The following PTPRA variants were observed in gnomAD, a reference collection of about 807,000 sequenced individuals.
PTPRA encodes protein tyrosine phosphatase receptor type A, also known as receptor-type tyrosine-protein phosphatase alpha.
Under a neutral mutation model 104.8 loss-of-function variants are expected in PTPRA, and 25 were observed. The ratio of observed to expected loss-of-function variants is 0.24; its 90% CI spans 0.17 to 0.33. The LOEUF is 0.33. PTPRA is among the 10% of genes least tolerant of loss of function. PTPRA has a pLI of 1.00. For missense variants in PTPRA, 765 were observed against 1,015.3 expected (o/e 0.75, Z 3.35); for synonymous variants, 323 against 368.9 (o/e 0.88, Z 1.43).
intron 3 of PTPRA, among the ~76,000 whole-genome samples, chr20:2,953,420 A>AT (rs1223180837): frequency 6.6e-6 from 1 of 150,758 alleles, no homozygotes; most frequent in African/African-American, 2.4e-5. Flanking sequence ...CGCCTGGCTA[A>AT]TTTTTTGTAT....
upstream of PTPRA, among the ~76,000 whole-genome samples, chr20:2,871,346 G>A (rs939202190): frequency 6.6e-6 from 1 of 152,056 alleles, no homozygotes; most frequent in Non-Finnish European, 1.5e-5. Flanking sequence ...TGGAAACCCC[G>A]GGCTCTTTGA....
At position 2,923,195 on chromosome 20, in the gene PTPRA, C is replaced by T; in HGVS notation, c.-128-12C>T. On this transcript the variant is annotated splice_polypyrimidine_tract_variant and intron_variant, in intron 1 of 23. Coordinates refer to ENST00000399903, the MANE Select transcript of PTPRA (RefSeq NM_001385305.1). ...TTGTATATTTCTAAAGGTATTTTTCCTTTTGTTGCAGGTGACACAACTAAA... is the reference window on the plus strand; with the variant it reads ...TTGTATATTTCTAAAGGTATTTTTCTTTTTGTTGCAGGTGACACAACTAAA... 1.8e-6 allele frequency: 2 copies of T among 1,120,080 alleles called. No individual in the cohort carries two copies. Among genetic ancestry groups the T allele is most frequent in the African/African-American group, 1.6e-5 (1 of 60,866 alleles). 69.4% of individuals were successfully genotyped at this position (1,120,080 alleles called of 1,614,324 possible).
intron 1 of PTPRA, among the ~76,000 whole-genome samples, chr20:2,921,655 G>A (rs921953852): frequency 1.3e-5 from 2 of 152,098 alleles, no homozygotes; most frequent in East Asian, 3.9e-4. Context: ...TTATGTGCCA[G>A]CTGGATTCTA....
intron 20 of PTPRA, among the ~76,000 whole-genome samples, chr20:3,034,601 G>A (rs553307452): frequency 4.6e-5 from 7 of 151,244 alleles, no homozygotes; most frequent in African/African-American, 7.3e-5. Context: ...CCAGGGCACC[G>A]ATCCCTGAGG....
rs762964450 is a variant in PTPRA, at chr20:2,950,514, G to A, written c.-7+2490G>A. On this transcript the variant is annotated intron_variant, in intron 3 of 23. Coordinates refer to ENST00000399903, the MANE Select transcript of PTPRA (RefSeq NM_001385305.1). This position sits in a 1 kb window ranked among gnomAD's most constrained non-coding sequence, Gnocchi z 4.0. ...AAAAATTAGCCGGGCGTGGTGGCAG[G>A]CACCTGTAGTCCCAGCTACTCAGAA... 1.3e-5 allele frequency among the ~76,000 whole-genome samples: 2 copies of A among 151,850 alleles called. No individual in the cohort carries two copies. Among genetic ancestry groups the A allele is most frequent in the South Asian group, 4.2e-4 (2 of 4,810 alleles).
intron 20 of PTPRA, among the ~76,000 whole-genome samples, chr20:3,032,547 C>G: frequency 6.6e-6 from 1 of 152,034 alleles, no homozygotes; most frequent in Non-Finnish European, 1.5e-5. Context: ...GTGGGCGGAT[C>G]ACAAAGTCAG....
At chr20:2,942,449 A>G (rs1007869001) in intron 2 of PTPRA, among the ~76,000 whole-genome samples, 3 of 152,028 alleles carry the variant, frequency 2.0e-5, no homozygotes, top group Non-Finnish European at 4.4e-5. Context: ...AAGCTTAAAA[A>G]TGTCTCTTTT....
chr20:2,993,101 AGATTGATT>A, intron 9 of PTPRA, among the ~76,000 whole-genome samples: 1 of 152,098 alleles, frequency 6.6e-6, no homozygotes, highest in East Asian at 1.9e-4. Flanking sequence ...GTAGGTAGGT[AGATTGATT>A]GATTGATCAG....
At chr20:2,984,845 C>T (rs1211770289) in intron 6 of PTPRA, among the ~76,000 whole-genome samples, 2 of 152,124 alleles carry the variant, frequency 1.3e-5, no homozygotes, top group Non-Finnish European at 2.9e-5. Flanking sequence ...GCGTGGTTCA[C>T]TTCACGTTAT....
chr20:2,938,036 A>C (rs1014298802), intron 2 of PTPRA, among the ~76,000 whole-genome samples: 1 of 152,124 alleles, frequency 6.6e-6, no homozygotes, highest in Non-Finnish European at 1.5e-5. Context: ...TCTAAATCTG[A>C]GGCTGAGTGT....
At chr20:2,977,542 C>T (rs1001913829) in intron 6 of PTPRA, among the ~76,000 whole-genome samples, 6 of 150,268 alleles carry the variant, frequency 4.0e-5, no homozygotes, top group Non-Finnish European at 7.4e-5. Context: ...CCACTTGGGA[C>T]GCTGAGGTGG....
intron 9 of PTPRA, among the ~76,000 whole-genome samples, chr20:2,991,536 C>T (rs1205616187): frequency 6.6e-6 from 1 of 152,070 alleles, no homozygotes; most frequent in African/African-American, 2.4e-5. Flanking sequence ...CAAATTAGTT[C>T]TTTTCTTTTT....
rs569373053 is a variant in PTPRA at position 3,019,359 on chromosome 20, G to A, written c.1041+1446G>A. 6.0e-5 allele frequency among the ~76,000 whole-genome samples: 9 copies of A among 150,670 alleles called. No homozygotes were observed. The East Asian group carries it at 8.0e-4, about 13-fold the overall frequency. On this transcript the variant is annotated intron_variant, in intron 13 of 23. Coordinates refer to ENST00000399903, the MANE Select transcript of PTPRA (RefSeq NM_001385305.1). ...GGAGGGGCTCCTCACTTCTCAGACC[G>A]GGCGGCTGCTGGGCGGAGGGGCTCC...
chr20:3,019,379 G>T (rs1474487966), intron 13 of PTPRA, among the ~76,000 whole-genome samples: 1 of 149,078 alleles, frequency 6.7e-6, no homozygotes, highest in African/African-American at 2.5e-5. Flanking sequence ...TGGGCGGAGG[G>T]GCTCCTCACT....
chr20:2,971,231 G>A (rs990464306), intron 5 of PTPRA, among the ~76,000 whole-genome samples: 7 of 152,224 alleles, frequency 4.6e-5, no homozygotes, highest in South Asian at 2.1e-4. Flanking sequence ...TGTTAAATAC[G>A]TAGATTAACA....
At chr20:3,005,222 T>C (rs2063808882) in intron 10 of PTPRA, 76 bp downstream of exon 10, 6 of 1,401,138 alleles carry the variant, frequency 4.3e-6, no homozygotes, top group Non-Finnish European at 6.1e-6. Context: ...ATGGAAAGAA[T>C]CTTGCAATTG....
chr20:2,948,806 G>T (rs1284384642), intron 3 of PTPRA, among the ~76,000 whole-genome samples: 3 of 152,036 alleles, frequency 2.0e-5, no homozygotes, highest in African/African-American at 7.2e-5. Flanking sequence ...AAAAAAATTA[G>T]CTGGGCGTGG....
intron 5 of PTPRA, among the ~76,000 whole-genome samples, chr20:2,970,097 A>T (rs923403050): frequency 6.6e-6 from 1 of 152,132 alleles, no homozygotes; most frequent in African/African-American, 2.4e-5. Flanking sequence ...TTACCCTATC[A>T]TACTTGCTCT....
At chr20:3,021,523 C>G in intron 14 of PTPRA, 95 bp downstream of exon 14, 1 of 1,506,328 alleles carries the variant, frequency 6.6e-7, no homozygotes, top group Non-Finnish European at 9.1e-7. Context: ...TCAGGAGTTG[C>G]TGAGTATGCA....
Sources: gnomAD v4.1 joint callset for allele counts (sites outside exome capture counted in the v4.1 genomes callset) on GRCh38, gnomAD v4.1.1 for gene constraint, Gnocchi (gnomAD v3.1) non-coding constraint, MANE v1.5 for transcripts, NCBI Gene and HGNC (gene_info 2026-07-23, HGNC 2026-07-21) for gene names.